Variants in CCDC141 observed in about 807,000 individuals in gnomAD.
The protein encoded by CCDC141 is coiled-coil domain containing 141.
A neutral mutation model predicts 181.0 loss-of-function variants in CCDC141; 168 were observed. The ratio of observed to expected loss-of-function variants is 0.93; its 90% CI spans 0.82 to 1.05. The LOEUF (loss-of-function observed/expected upper bound fraction) is 1.05, where lower values mean the gene tolerates loss of function less well. Among genes scored for constraint, CCDC141 ranks in the 50% least tolerant of loss-of-function variants. The pLI is 0.00. For synonymous variants in CCDC141, 666 were observed against 642.3 expected, an observed-to-expected ratio of 1.04 and a Z score of -0.56; for missense variants, 1,902 against 1,788.5, an observed-to-expected ratio of 1.06 and a Z score of -1.14.
chr2:179,001,854 C>G (rs557922939), intron 2 of CCDC141: 4 of 152,484 alleles, frequency 2.6e-5, no homozygotes, highest in African/African-American at 9.6e-5. Context: ...GAGTCTCACT[C>G]TGTCACCCAG....
the CCDC141 span, among the ~76,000 whole-genome samples, chr2:178,821,481 G>A: frequency 6.6e-6 from 1 of 152,232 alleles, no homozygotes; most frequent in Non-Finnish European, 1.5e-5. Flanking sequence ...AGAACACACT[G>A]TGTGTTTAAT....
chr2:178,991,754 A>T (rs183210286), intron 2 of CCDC141, among the ~76,000 whole-genome samples: 1 of 152,222 alleles, frequency 6.6e-6, no homozygotes, highest in South Asian at 2.1e-4. Context: ...CTTCATCATT[A>T]TACAGTGTAG....
chr2:178,821,767 T>C, the CCDC141 span, among the ~76,000 whole-genome samples: 3 of 152,306 alleles, frequency 2.0e-5, no homozygotes, highest in East Asian at 3.9e-4. Flanking sequence ...CAACAGGTGC[T>C]GGAGAGGATG....
At chr2:178,824,414 A>G in the CCDC141 span, among the ~76,000 whole-genome samples, 1 of 151,960 alleles carries the variant, frequency 6.6e-6, no homozygotes. Flanking sequence ...CCTGAGGTCA[A>G]GAGTTTGGGA....
chr2:178,939,648 A>T (rs1689427515), intron 6 of CCDC141, among the ~76,000 whole-genome samples: 1 of 152,114 alleles, frequency 6.6e-6, no homozygotes, highest in Non-Finnish European at 1.5e-5. Context: ...ACTCTCCACC[A>T]TGTGAGGTGG....
intron 2 of CCDC141, among the ~76,000 whole-genome samples, chr2:178,983,891 G>T (rs958945798): frequency 1.3e-5 from 2 of 150,566 alleles, no homozygotes; most frequent in African/African-American, 2.4e-5. Flanking sequence ...AAAACACTCT[G>T]CAGGATATTA....
At chr2:179,044,173 A>C (rs1264546846) in intron 2 of CCDC141, among the ~76,000 whole-genome samples, 1 of 152,240 alleles carries the variant, frequency 6.6e-6, no homozygotes, top group African/African-American at 2.4e-5. Context: ...AAACAAATGG[A>C]AGAACATTCC....
intron 2 of CCDC141, among the ~76,000 whole-genome samples, chr2:179,007,851 A>C (rs562679094): frequency 2.6e-5 from 4 of 152,346 alleles, no homozygotes; most frequent in Admixed American, 2.6e-4. Flanking sequence ...CCATTATTTA[A>C]TATATGTCTG....
At chr2:178,927,140 T>G (rs1355681398) in intron 6 of CCDC141, among the ~76,000 whole-genome samples, 1 of 152,186 alleles carries the variant, frequency 6.6e-6, no homozygotes, top group East Asian at 1.9e-4. Context: ...AAGCTAGAAT[T>G]TTTTCAACTC....
At chr2:179,044,402 A>AGT (rs2043417269) in intron 2 of CCDC141, among the ~76,000 whole-genome samples, 1 of 152,190 alleles carries the variant, frequency 6.6e-6, no homozygotes, top group Admixed American at 6.5e-5. Flanking sequence ...CCAACTTCAA[A>AGT]CTATACTACA....
chr2:178,963,348 T>C (rs776465631), intron 4 of CCDC141, among the ~76,000 whole-genome samples: 4 of 152,074 alleles, frequency 2.6e-5, no homozygotes, highest in Admixed American at 2.6e-4. Context: ...TTTGAGACAT[T>C]TGTTATTAGA....
intron 22 of CCDC141, among the ~76,000 whole-genome samples, chr2:178,842,413 T>A (rs1684763932): frequency 3.3e-5 from 5 of 152,264 alleles, no homozygotes. Flanking sequence ...AGCTTTTAAT[T>A]AATACTAAAT....
chr2:178,957,451 G>A (rs1690208969), intron 5 of CCDC141, among the ~76,000 whole-genome samples: 1 of 152,284 alleles, frequency 6.6e-6, no homozygotes, highest in South Asian at 2.1e-4. Flanking sequence ...CAACAGGAAC[G>A]CTCATTCATT....
At chr2:178,859,784 T>A (rs1685525440) in intron 17 of CCDC141, among the ~76,000 whole-genome samples, 1 of 152,142 alleles carries the variant, frequency 6.6e-6, no homozygotes, top group African/African-American at 2.4e-5. Context: ...TTTGCCAAAT[T>A]TTCCAGCATG....
At chr2:178,827,090 C>T (rs1684136932), downstream of CCDC141, among the ~76,000 whole-genome samples, 1 of 151,858 alleles carries the variant, frequency 6.6e-6, no homozygotes, top group Admixed American at 6.6e-5. Context: ...TCTAAAAATC[C>T]TTATTGAGAT....
chr2:178,966,213 G>A (rs1212375852), intron 4 of CCDC141, among the ~76,000 whole-genome samples: 1 of 152,212 alleles, frequency 6.6e-6, no homozygotes, highest in African/African-American at 2.4e-5. Context: ...GAACATCCCT[G>A]CCTGACAGAT....
intron 22 of CCDC141, among the ~76,000 whole-genome samples, chr2:178,844,135 A>C (rs1021154046): frequency 2.0e-5 from 3 of 152,212 alleles, no homozygotes; most frequent in African/African-American, 7.2e-5. Flanking sequence ...CTTTGGTAGC[A>C]ATAACTTTTG....
chr2:179,011,391 T>C (rs183698803), intron 2 of CCDC141, among the ~76,000 whole-genome samples: 3 of 152,262 alleles, frequency 2.0e-5, no homozygotes, highest in Non-Finnish European at 4.4e-5. Flanking sequence ...CATTATATAA[T>C]GGTAAAAGAC....
chr2:178,866,628 T>C (rs1370328216), intron 16 of CCDC141, among the ~76,000 whole-genome samples: 1 of 152,248 alleles, frequency 6.6e-6, no homozygotes, highest in African/African-American at 2.4e-5. Context: ...ATACCTATTG[T>C]TAGAGTAAAC....
Sources: gnomAD v4.1 joint callset for allele counts (sites outside exome capture counted in the v4.1 genomes callset) on GRCh38, gnomAD v4.1.1 for gene constraint, MANE v1.5 for transcripts, NCBI Gene and HGNC (gene_info 2026-07-23, HGNC 2026-07-21) for gene names.